SGCD: variants seen among roughly 807,000 people sequenced by gnomAD.
SGCD encodes sarcoglycan delta, also known as delta-sarcoglycan.
SGCD carries 18 observed loss-of-function variants against 36.6 expected under a neutral mutation model. That is an observed-to-expected ratio of 0.49 (90% CI 0.34 to 0.73). The LOEUF is 0.73. Among genes scored for constraint, SGCD ranks in the 30% least tolerant of loss-of-function variants. The pLI is 0.01. For synonymous variants in SGCD, 133 were observed against 130.6 expected (o/e 1.02, Z -0.12); for missense variants, 387 against 346.7 (o/e 1.12, Z -0.92).
At chr5:155,781,258 A>G in the SGCD span, among the ~76,000 whole-genome samples, 1 of 152,120 alleles carries the variant, frequency 6.6e-6, no homozygotes, top group African/African-American at 2.4e-5. Flanking sequence ...GGTAAATAAG[A>G]CATGGAGTCA....
intron 3 of SGCD, among the ~76,000 whole-genome samples, chr5:156,258,805 G>A (rs1317879204): frequency 2.6e-5 from 4 of 151,948 alleles, no homozygotes; most frequent in Admixed American, 2.6e-4. Flanking sequence ...ACTCATAAGG[G>A]AATATTTAAA....
chr5:155,843,067 C>T, the SGCD span, among the ~76,000 whole-genome samples: 1 of 152,284 alleles, frequency 6.6e-6, no homozygotes, highest in Non-Finnish European at 1.5e-5. Flanking sequence ...CAAATAATCA[C>T]CTTCCACCCT....
chr5:156,329,171 G>A (rs1423035082), intron 1 of SGCD, among the ~76,000 whole-genome samples: 2 of 152,158 alleles, frequency 1.3e-5, no homozygotes, highest in Non-Finnish European at 2.9e-5. Flanking sequence ...GGATACAGAG[G>A]AAGAAATCCA....
Position 156,574,722 on chromosome 5 carries a change from T to C in SGCD, c.295-14509T>C, listed in dbSNP as rs377198149. Among the ~76,000 whole-genome samples, 28 of 152,286 alleles carry C rather than the reference T, an allele frequency of 1.8e-4. No individual in the cohort carries two copies. In the East Asian group the frequency reaches 2.3e-3, roughly 13 times the overall value. The stretch of plus-strand genomic sequence containing the variant: ...CATATTTCCTCTACAACAAATCAGA[T>C]TGTATCTCTCCCATGACATAAGCCA... On this transcript the variant is annotated intron_variant, in intron 4 of 8. Coordinates refer to ENST00000337851, the MANE Select transcript of SGCD (RefSeq NM_000337.6).
At chr5:156,387,717 A>C (rs994881035) in intron 3 of SGCD, among the ~76,000 whole-genome samples, 2 of 152,212 alleles carry the variant, frequency 1.3e-5, no homozygotes, top group African/African-American at 4.8e-5. Flanking sequence ...ATGCATTTTC[A>C]ATAAGAAAAG....
At chr5:155,800,404 T>C in the SGCD span, among the ~76,000 whole-genome samples, 2 of 152,218 alleles carry the variant, frequency 1.3e-5, no homozygotes, top group Non-Finnish European at 2.9e-5. Flanking sequence ...TCCTAGATTG[T>C]CTTTCTTTCA....
chr5:156,283,340 C>T (rs566558041), intron 3 of SGCD, among the ~76,000 whole-genome samples: 25 of 152,238 alleles, frequency 1.6e-4, no homozygotes, highest in African/African-American at 4.3e-4. Flanking sequence ...GGTGTAACTC[C>T]GTTATGCACA....
intron 1 of SGCD, among the ~76,000 whole-genome samples, chr5:155,942,326 G>GTATCTATCTATCTATCTATCTATCTATC (rs200508490): frequency 1.8e-5 from 2 of 111,296 alleles, no homozygotes; most frequent in African/African-American, 3.0e-5. Flanking sequence ...ATGTATGTAT[G>GTATCTATCTATCTATCTATCTATCTATC]TATGTATGTA....
chr5:156,439,716 C>T (rs995022986), intron 3 of SGCD, among the ~76,000 whole-genome samples: 4 of 152,172 alleles, frequency 2.6e-5, no homozygotes, highest in African/African-American at 9.7e-5. Flanking sequence ...ATGGAAGCTG[C>T]TTTAGCATGA....
At chr5:156,397,973 G>T (rs1771951863) in intron 3 of SGCD, among the ~76,000 whole-genome samples, 1 of 152,172 alleles carries the variant, frequency 6.6e-6, no homozygotes, top group Non-Finnish European at 1.5e-5. Context: ...AGGGCCCTTT[G>T]CTTCTGGGTC....
chr5:156,406,807 TATATATATATATACAC>T (rs1235328875), intron 3 of SGCD, among the ~76,000 whole-genome samples: 1 of 98,686 alleles, frequency 1.0e-5, no homozygotes, highest in African/African-American at 4.9e-5. Flanking sequence ...TATATATATA[TATATATATATATACAC>T]ACACACACAC....
chr5:155,895,201 A>T (rs1038622680), intron 1 of SGCD, among the ~76,000 whole-genome samples: 8 of 152,364 alleles, frequency 5.3e-5, no homozygotes, highest in Admixed American at 5.2e-4. Context: ...ACATGTCCAC[A>T]TGAAATCGTA....
intron 3 of SGCD, among the ~76,000 whole-genome samples, chr5:156,239,455 G>T (rs1416309255): frequency 1.3e-5 from 2 of 148,588 alleles, no homozygotes; most frequent in Admixed American, 1.3e-4. Flanking sequence ...GAATAGTATA[G>T]TGCAAAGTAG....
At chr5:155,844,241 T>G in the SGCD span, among the ~76,000 whole-genome samples, 5 of 152,214 alleles carry the variant, frequency 3.3e-5, no homozygotes, top group African/African-American at 1.2e-4. Flanking sequence ...CTTCCTGCTT[T>G]TCTGGCTTTC....
intron 6 of SGCD, among the ~76,000 whole-genome samples, chr5:156,627,442 G>T (rs1467445720): frequency 6.6e-6 from 1 of 152,112 alleles, no homozygotes; most frequent in Non-Finnish European, 1.5e-5. Flanking sequence ...TGATTTTAAT[G>T]GAATCTTCTT....
intron 3 of SGCD, among the ~76,000 whole-genome samples, chr5:156,181,154 T>C (rs369571729): frequency 1.8e-4 from 27 of 152,300 alleles, no homozygotes; most frequent in Middle Eastern, 6.8e-3. Flanking sequence ...AGGCCTTTCA[T>C]TTTAAAAGCG....
chr5:156,696,884 A>G (rs936104591), intron 7 of SGCD, among the ~76,000 whole-genome samples: 2 of 148,900 alleles, frequency 1.3e-5, no homozygotes, highest in Non-Finnish European at 3.0e-5. Flanking sequence ...ATCTCTTAGA[A>G]CCCTCTTCTC....
chr5:156,668,821 C>T (rs908883522), intron 7 of SGCD, among the ~76,000 whole-genome samples: 2 of 152,124 alleles, frequency 1.3e-5, no homozygotes, highest in Non-Finnish European at 2.9e-5. Context: ...TGATGTCTCT[C>T]CTCTGAGTCA....
chr5:155,996,061 G>A (rs1181140098), intron 1 of SGCD, among the ~76,000 whole-genome samples: 1 of 150,092 alleles, frequency 6.7e-6, no homozygotes, highest in African/African-American at 2.5e-5. Context: ...CATATGATTA[G>A]GTGTTGTTGA....
Sources: allele counts gnomAD v4.1 joint callset (sites outside exome capture counted in the v4.1 genomes callset), GRCh38; gene constraint gnomAD v4.1.1; transcripts MANE v1.5; gene names NCBI Gene and HGNC (gene_info 2026-07-23, HGNC 2026-07-21).